Variants in ATP2A2 observed in about 807,000 individuals in gnomAD.
ATP2A2 encodes the protein ATPase sarcoplasmic/endoplasmic reticulum Ca2+ transporting 2.
ATP2A2 carries 14 observed loss-of-function variants against 109.3 expected under a neutral mutation model. The observed-to-expected ratio is 0.13, with a 90% CI of 0.08 to 0.20. ATP2A2 has a LOEUF of 0.20. Among genes scored for constraint, ATP2A2 ranks in the 10% least tolerant of loss-of-function variants. ATP2A2 has a pLI of 1.00. For missense variants in ATP2A2, 657 were observed against 1,321.6 expected (o/e 0.50, Z 7.80); for synonymous variants, 506 against 490.9 (o/e 1.03, Z -0.41).
In ATP2A2 at chr12:110,349,749, A is replaced by G. The variant is rs894405749; in HGVS notation, c.*3279A>G. On this transcript the variant is annotated 3_prime_UTR_variant, in exon 20 of 20. Coordinates refer to ENST00000539276, the MANE Select transcript of ATP2A2 (RefSeq NM_170665.4). ...GAGCAGAGCCAGCAGTTGCCCTGTG[A>G]CTGTAACCACCAAATTGTCCAAACA... 26 of 1,015,102 alleles carry G rather than the reference A, an allele frequency of 2.6e-5. No homozygotes were observed. In the African/African-American group the frequency reaches 4.1e-4, roughly 16 times the overall value. 62.9% of individuals were successfully genotyped at this position (1,015,102 alleles called of 1,614,324 possible). A position where few individuals can be genotyped will look rare whatever the true frequency, so the allele number is the denominator to read the frequency against.
At position 110,340,384 on chromosome 12, in the gene ATP2A2, C is replaced by A. The variant is rs1879231017; in HGVS notation, c.1762-275C>A. Reference sequence around the variant, plus strand: ...AGAAACCACATCTCTACTAAAAATACAAAATTAGCCAGGTGTGGTGGCGCA... The same window carrying A: ...AGAAACCACATCTCTACTAAAAATAAAAAATTAGCCAGGTGTGGTGGCGCA... On this transcript the variant is annotated intron_variant, in intron 13 of 19. Transcript: ENST00000539276. This position sits in a 1 kb window ranked among gnomAD's most constrained non-coding sequence, Gnocchi z 6.0. 6.6e-6 allele frequency among the ~76,000 whole-genome samples: 1 copy of A among 151,868 alleles called. No individual in the cohort carries two copies. The highest frequency in any genetic ancestry group is 2.4e-5 in the African/African-American group (1 of 41,362).
chr12:110,324,769 A>G (rs1171399899), intron 6 of ATP2A2, among the ~76,000 whole-genome samples: 2 of 151,674 alleles, frequency 1.3e-5, no homozygotes, highest in African/African-American at 2.4e-5. Flanking sequence ...AGGCTGCGGC[A>G]GTAGGATCAC....
In ATP2A2 at chr12:110,340,538, CAAAA is replaced by C. The variant is rs936356149; in HGVS notation, c.1762-111_1762-108del. The C allele has an allele frequency of 1.4e-5, 13 of 913,192 alleles. No individual in the cohort carries two copies. Among genetic ancestry groups the C allele is most frequent in the East Asian group, 5.7e-5 (2 of 34,834 alleles). The allele number at this position is 913,192 out of a possible 1,614,324, so 56.6% of individuals were successfully genotyped here. On this transcript the variant is annotated intron_variant, in intron 13 of 19. Coordinates refer to ENST00000539276, the MANE Select transcript of ATP2A2 (RefSeq NM_170665.4). This position sits in a 1 kb window ranked among gnomAD's most constrained non-coding sequence, Gnocchi z 6.0. ...GGGCAACAAGAGCGAAACTCCGCCT[CAAAA>C]AAAAAAAAAGAAAAAAAATGCAGAA...
rs1200989369 is a variant in ATP2A2 at position 110,350,691 on chromosome 12, G to A, written c.*4221G>A. On this transcript the variant is annotated 3_prime_UTR_variant, in exon 20 of 20. Coordinates refer to ENST00000539276, the MANE Select transcript of ATP2A2 (RefSeq NM_170665.4). ...GTATTCAATTGTAATGCATGCCTTC[G>A]GTTGTAAGTAGCCAGATCCCTCTCC... is the stretch of plus-strand genomic sequence containing the variant. The A allele has an allele frequency of 1.9e-5, 5 of 269,926 alleles. No individual in the cohort carries two copies. The highest frequency in any genetic ancestry group is 9.7e-5 in the South Asian group (2 of 20,704). The allele number at this position is 269,926 out of a possible 1,614,324, so 16.7% of individuals were successfully genotyped here.
At chr12:110,338,407 C>G (rs1566237138) in intron 11 of ATP2A2, among the ~76,000 whole-genome samples, 1 of 152,216 alleles carries the variant, frequency 6.6e-6, no homozygotes, top group Non-Finnish European at 1.5e-5. Flanking sequence ...CCAACGTTCC[C>G]TAGTTTAAGT....
intron 5 of ATP2A2, among the ~76,000 whole-genome samples, chr12:110,322,092 G>A (rs369145365): frequency 1.3e-3 from 197 of 152,080 alleles, no homozygotes; most frequent in African/African-American, 4.6e-3. Context: ...CCGGGTTCAC[G>A]CCATTCTCCT....
At chr12:110,302,394 T>C (rs1469992142) in intron 5 of ATP2A2, among the ~76,000 whole-genome samples, 1 of 152,120 alleles carries the variant, frequency 6.6e-6, no homozygotes, top group Non-Finnish European at 1.5e-5. Context: ...ACTACTACTA[T>C]AAAGTGGAGT....
chr12:110,314,336 G>GAA (rs398055936), intron 5 of ATP2A2, among the ~76,000 whole-genome samples: 1,590 of 122,544 alleles, frequency 0.013, 27 homozygotes, highest in Middle Eastern at 0.052. Flanking sequence ...CTCAAAAAAA[G>GAA]AAAAAAAAAA....
chr12:110,329,204 AATAGTTAAACTGTGTTGTTTAGGG>A (rs1270184958), intron 8 of ATP2A2, among the ~76,000 whole-genome samples: 1 of 152,190 alleles, frequency 6.6e-6, no homozygotes, highest in African/African-American at 2.4e-5. Flanking sequence ...ATGATATGTA[AATAGTTAAACTGTGTTGTTTAGGG>A]ATAGTTAACC....
At chr12:110,335,188 A>C (rs1878725303) in intron 11 of ATP2A2, among the ~76,000 whole-genome samples, 1 of 152,198 alleles carries the variant, frequency 6.6e-6, no homozygotes, top group African/African-American at 2.4e-5. Context: ...CAAGACCACC[A>C]TACTGGACCT....
chr12:110,289,293 A>G (rs1177740807), intron 3 of ATP2A2, among the ~76,000 whole-genome samples: 2 of 152,206 alleles, frequency 1.3e-5, no homozygotes, highest in African/African-American at 4.8e-5. Context: ...AGAGCTAATT[A>G]AAGTTTCTTG....
At chr12:110,317,243 A>G (rs781058588) in intron 5 of ATP2A2, among the ~76,000 whole-genome samples, 1 of 152,202 alleles carries the variant, frequency 6.6e-6, no homozygotes, top group Non-Finnish European at 1.5e-5. Flanking sequence ...AGCCATTTAG[A>G]TTCAAAAACA....
At chr12:110,315,870 C>T (rs752976076) in intron 5 of ATP2A2, among the ~76,000 whole-genome samples, 5 of 152,144 alleles carry the variant, frequency 3.3e-5, no homozygotes, top group Non-Finnish European at 7.4e-5. Context: ...ACCCAGGAGG[C>T]GGGGGTTGCA....
intron 5 of ATP2A2, among the ~76,000 whole-genome samples, chr12:110,314,901 C>CT (rs1304514128): frequency 4.0e-5 from 6 of 148,544 alleles, no homozygotes; most frequent in Admixed American, 2.7e-4. Flanking sequence ...GAGTCTCGCT[C>CT]TGTCGCCCAG....
chr12:110,328,120 C>A, intron 8 of ATP2A2, 103 bp downstream of exon 8: 2 of 1,182,236 alleles, frequency 1.7e-6, no homozygotes, highest in Non-Finnish European at 2.4e-6. Context: ...TCATACATTT[C>A]TGTGGGCTGT....
Position 110,350,405 on chromosome 12 carries a change from G to T in ATP2A2, c.*3935G>T. 1 of 1,594,432 alleles carries T rather than the reference G, an allele frequency of 6.3e-7. No homozygotes were observed. Among genetic ancestry groups the T allele is most frequent in the Non-Finnish European group, 8.6e-7 (1 of 1,164,206 alleles). Reference sequence around the variant, plus strand: ...CCAACCCTGTGCATGACTGATGTTGGGGAAAAAGAAAAGTAAAAAACTTCC... The same window carrying T: ...CCAACCCTGTGCATGACTGATGTTGTGGAAAAAGAAAAGTAAAAAACTTCC... On this transcript the variant is annotated 3_prime_UTR_variant, in exon 20 of 20. Transcript: ENST00000539276.
Position 110,340,531 on chromosome 12 carries a change from T to TC in ATP2A2, c.1762-126dup. 1 of 1,074,664 alleles carries TC rather than the reference T, an allele frequency of 9.3e-7. No homozygotes were observed. The highest frequency in any genetic ancestry group is 1.3e-6 in the Non-Finnish European group (1 of 749,894). 66.6% of individuals were successfully genotyped at this position (1,074,664 alleles called of 1,614,324 possible). A position where few individuals can be genotyped will look rare whatever the true frequency, so the allele number is the denominator to read the frequency against. ...CCAGCCTGGGCAACAAGAGCGAAACTCCGCCTCAAAAAAAAAAAAAGAAAA... is the reference window on the plus strand; with the variant it reads ...CCAGCCTGGGCAACAAGAGCGAAACTCCCGCCTCAAAAAAAAAAAAAGAAAA... On this transcript the variant is annotated intron_variant, in intron 13 of 19. Transcript: ENST00000539276. This position sits in a 1 kb window ranked among gnomAD's most constrained non-coding sequence, Gnocchi z 6.0.
chr12:110,327,674 A>G lies in ATP2A2; in HGVS notation c.752A>G (p.Gln251Arg). The stretch of plus-strand genomic sequence containing the variant: ...GAACAGGAGAGAACACCCCTTCAGC[A>G]AAAACTAGATGAATTTGGGGAACAG... ...ATEQERTPLQ[Q>R]KLDEFGEQLS... The change falls in exon 8 of 20, where the codon CAA (glutamine) becomes CGA (arginine). Residue 251 changes from glutamine to arginine, a missense_variant. By Grantham distance (43) the Gln-to-Arg change is conservative. Transcript: ENST00000539276. The surrounding 1 kb of genome is among the most constrained non-coding windows in gnomAD (Gnocchi z 4.4). The G allele has an allele frequency of 6.2e-7, 1 of 1,614,200 alleles. No individual in the cohort carries two copies. The highest frequency in any genetic ancestry group is 8.5e-7 in the Non-Finnish European group (1 of 1,180,038).
chr12:110,341,798 A>G (rs1275198341), intron 14 of ATP2A2, among the ~76,000 whole-genome samples: 1 of 152,176 alleles, frequency 6.6e-6, no homozygotes, highest in African/African-American at 2.4e-5. Context: ...GCTTGAACCC[A>G]GGAGGCGTGC....
Sources: gnomAD v4.1 joint callset for allele counts (sites outside exome capture counted in the v4.1 genomes callset) on GRCh38, gnomAD v4.1.1 for gene constraint, Gnocchi (gnomAD v3.1) non-coding constraint, MANE v1.5 for transcripts, NCBI Gene and HGNC (gene_info 2026-07-23, HGNC 2026-07-21) for gene names.